The following IFT122 variants were observed in gnomAD, a reference collection of about 807,000 sequenced individuals.
The protein encoded by IFT122 is intraflagellar transport 122, also known as intraflagellar transport protein 122 homolog.
IFT122 carries 118 observed loss-of-function variants against 161.6 expected under a neutral mutation model. The observed-to-expected ratio is 0.73, with a 90% CI of 0.63 to 0.85. The LOEUF (loss-of-function observed/expected upper bound fraction) is 0.85. IFT122 is among the 40% of genes least tolerant of loss of function. IFT122 has a pLI of 0.00. For synonymous variants in IFT122, 550 were observed against 602.4 expected (o/e 0.91, Z 1.27); for missense variants, 1,381 against 1,579.6 (o/e 0.87, Z 2.13).
chr3:129,454,759 A>G (rs2075279347), intron 3 of IFT122, among the ~76,000 whole-genome samples: 1 of 152,042 alleles, frequency 6.6e-6, no homozygotes, highest in Non-Finnish European at 1.5e-5. Flanking sequence ...GGGCTCTTTG[A>G]CCTGCAACAC....
chr3:129,516,283 C>T, intron 26 of IFT122, among the ~76,000 whole-genome samples: 1 of 112,994 alleles, frequency 8.9e-6, no homozygotes, highest in East Asian at 2.9e-4. Flanking sequence ...ACAGATTGCT[C>T]CTGCACACAC....
chr3:129,484,699 G>A (rs576509644), intron 15 of IFT122, among the ~76,000 whole-genome samples: 2 of 152,288 alleles, frequency 1.3e-5, no homozygotes, highest in South Asian at 2.1e-4. Flanking sequence ...AGTGCTGGCT[G>A]TACACTAGTC....
intron 1 of IFT122, among the ~76,000 whole-genome samples, chr3:129,441,902 T>C (rs1023565538): frequency 5.9e-5 from 9 of 152,224 alleles, no homozygotes; most frequent in African/African-American, 2.2e-4. Flanking sequence ...TTGGCTTCAA[T>C]GTCAGAGTAA....
intron 9 of IFT122, among the ~76,000 whole-genome samples, chr3:129,470,299 T>C (rs762567312): frequency 2.0e-5 from 3 of 152,166 alleles, no homozygotes; most frequent in Non-Finnish European, 4.4e-5. Flanking sequence ...AGTCTCACTC[T>C]GTGGCCCAGG....
rs538703555 is a variant in IFT122, at chr3:129,500,498, C to A, written c.2375+430C>A. ...GTAGAGCTGAGCTTTAGCCTCTGATCTGCTGGATGTCGATGCCAACTACGC... is the reference window on the plus strand; with the variant it reads ...GTAGAGCTGAGCTTTAGCCTCTGATATGCTGGATGTCGATGCCAACTACGC... On this transcript the variant is annotated intron_variant, in intron 19 of 29. Coordinates refer to ENST00000348417, the MANE Select transcript of IFT122 (RefSeq NM_052989.3). Among the ~76,000 whole-genome samples, 23 of 152,354 alleles carry A rather than the reference C, an allele frequency of 1.5e-4. 1 individual carries two copies. In the South Asian group the frequency reaches 4.8e-3, roughly 32 times the overall value.
intron 15 of IFT122, among the ~76,000 whole-genome samples, chr3:129,485,698 T>C (rs1406750775): frequency 3.3e-5 from 5 of 152,280 alleles, no homozygotes; most frequent in Non-Finnish European, 7.3e-5. Flanking sequence ...TGCAGTTTGC[T>C]GCTCTCTGAC....
intron 18 of IFT122, 67 bp downstream of exon 18, chr3:129,495,674 C>T: frequency 6.4e-7 from 1 of 1,564,832 alleles, no homozygotes; most frequent in Non-Finnish European, 8.8e-7. Flanking sequence ...GTGCGGTGTC[C>T]AAGTTATTTT....
At chr3:129,476,900 T>A in intron 11 of IFT122, 99 bp downstream of exon 11, 9 of 1,519,882 alleles carry the variant, frequency 5.9e-6, no homozygotes, top group Non-Finnish European at 8.1e-6. Context: ...GGTTTCTCTT[T>A]GGCGTTTTGC....
At chr3:129,442,296 T>C (rs1453414234) in intron 1 of IFT122, among the ~76,000 whole-genome samples, 1 of 152,196 alleles carries the variant, frequency 6.6e-6, no homozygotes, top group Non-Finnish European at 1.5e-5. Context: ...AGGCAATGGC[T>C]ATGTCTTACT....
chr3:129,477,172 C>G (rs1347319698), intron 11 of IFT122, among the ~76,000 whole-genome samples: 1 of 152,110 alleles, frequency 6.6e-6, no homozygotes. Flanking sequence ...CAGAGTCACT[C>G]TGGGGTGCTT....
intron 2 of IFT122, among the ~76,000 whole-genome samples, chr3:129,450,691 C>G (rs2074668910): frequency 1.4e-5 from 2 of 144,004 alleles, no homozygotes; most frequent in Admixed American, 1.4e-4. Context: ...CGCTTGATTT[C>G]TCAGATGGTG....
chr3:129,516,419 GCA>G (rs1189026718), intron 26 of IFT122, among the ~76,000 whole-genome samples: 6 of 102,064 alleles, frequency 5.9e-5, no homozygotes, highest in East Asian at 6.6e-4. Context: ...GACTGCCCCT[GCA>G]CACACACACA....
At chr3:129,513,567 C>G (rs1454445556) in intron 24 of IFT122, 4 of 154,408 alleles carry the variant, frequency 2.6e-5, no homozygotes, top group Non-Finnish European at 4.3e-5. Flanking sequence ...TCATCCTTTC[C>G]AGCAAGTTCT....
chr3:129,504,092 T>G (rs1029951274), intron 20 of IFT122: 1 of 536,844 alleles, frequency 1.9e-6, no homozygotes, highest in Admixed American at 3.1e-5. Flanking sequence ...ACAGACTGTG[T>G]TGTTACTGAA....
At chr3:129,513,856 G>T (rs1261303096) in intron 24 of IFT122, 2 of 263,708 alleles carry the variant, frequency 7.6e-6, no homozygotes, top group Admixed American at 1.0e-4. Flanking sequence ...TCAGCCTCTG[G>T]CTGAGGAGCT....
chr3:129,514,385 G>T lies in IFT122; in HGVS notation c.2988-4G>T. On this transcript the variant is annotated splice_region_variant and splice_polypyrimidine_tract_variant and intron_variant, in intron 24 of 29. Coordinates refer to ENST00000348417, the MANE Select transcript of IFT122 (RefSeq NM_052989.3). Reference sequence around the variant, plus strand: ...CCTGCTGTCCTTAACCCTGTTCACGGCAGGAAAATACTCTTCACCTTGGCC... The same window carrying T: ...CCTGCTGTCCTTAACCCTGTTCACGTCAGGAAAATACTCTTCACCTTGGCC... 6.2e-7 allele frequency: 1 copy of T among 1,614,014 alleles called. No homozygotes were observed. The highest frequency in any genetic ancestry group is 1.3e-5 in the African/African-American group (1 of 75,018).
At chr3:129,458,021 A>T (rs868525541) in intron 3 of IFT122, 7 of 158,326 alleles carry the variant, frequency 4.4e-5, no homozygotes, top group African/African-American at 1.7e-4. Context: ...TACAGGTGTG[A>T]GCCACTGTTC....
At chr3:129,442,654 T>C (rs2073392195) in intron 1 of IFT122, among the ~76,000 whole-genome samples, 1 of 152,158 alleles carries the variant, frequency 6.6e-6, no homozygotes, top group Non-Finnish European at 1.5e-5. Context: ...AATCAGCCAT[T>C]GTCTCCCGGT....
In IFT122 at chr3:129,517,464, T is replaced by G. The variant is rs957040417; in HGVS notation, c.3266-5T>G. On this transcript the variant is annotated splice_polypyrimidine_tract_variant and splice_region_variant and intron_variant, in intron 26 of 29. Transcript: ENST00000348417. The stretch of plus-strand genomic sequence containing the variant: ...CCCCCTCAGCCCTTTCTCTATGCCC[T>G]CCAGACGTGCTACACCTGGTTGAGT... 8.1e-6 allele frequency: 13 copies of G among 1,613,188 alleles called. No homozygotes were observed. In the Admixed American group the frequency reaches 2.2e-4, roughly 27 times the overall value.
Sources: allele counts gnomAD v4.1 joint callset (sites outside exome capture counted in the v4.1 genomes callset), GRCh38; gene constraint gnomAD v4.1.1; transcripts MANE v1.5; gene names NCBI Gene and HGNC (gene_info 2026-07-23, HGNC 2026-07-21).